FAAH2: variants seen among roughly 807,000 people sequenced by gnomAD.
FAAH2 encodes fatty-acid amide hydrolase 2.
In FAAH2, 60 loss-of-function variants were observed where a neutral mutation model predicts 36.9. That is an observed-to-expected ratio of 1.63 (90% CI 1.32 to 2.02). The LOEUF is 2.02. Among genes scored for constraint, FAAH2 ranks in the 30% most tolerant of loss-of-function variants. FAAH2 has a pLI of 0.00. For synonymous variants in FAAH2, 214 were observed against 143.8 expected (o/e 1.49, Z -3.49); for missense variants, 689 against 397.5 (o/e 1.73, Z -6.23).
upstream of FAAH2, among the ~76,000 whole-genome samples, chrX:57,282,635 T>A (rs2051764827): frequency 8.9e-6 from 1 of 112,130 alleles, no homozygotes; most frequent in South Asian, 3.7e-4. Flanking sequence ...TTTTGCAGGA[T>A]CTTTATTTGT....
At chrX:57,212,248 G>T in the FAAH2 span, among the ~76,000 whole-genome samples, 1 of 111,992 alleles carries the variant, frequency 8.9e-6, no homozygotes, top group African/African-American at 3.2e-5. Flanking sequence ...AACAAAAAAA[G>T]TAGTGACTGT....
At chrX:57,479,375 T>G (rs1285673086) in intron 10 of FAAH2, among the ~76,000 whole-genome samples, 4 of 111,931 alleles carry the variant, frequency 3.6e-5, no homozygotes, top group Non-Finnish European at 7.5e-5. Context: ...CTTATCAGCT[T>G]AAGGAGATTT....
intron 8 of FAAH2, among the ~76,000 whole-genome samples, chrX:57,439,621 C>T (rs1215165113): frequency 9.0e-6 from 1 of 111,600 alleles, no homozygotes; most frequent in Non-Finnish European, 1.9e-5. Context: ...TGCCATTTGT[C>T]ATTTTTGGCT....
chrX:57,291,017 C>T (rs972072201), intron 1 of FAAH2, among the ~76,000 whole-genome samples: 1 of 111,798 alleles, frequency 8.9e-6, no homozygotes, highest in African/African-American at 3.2e-5. Context: ...TCTCTAAAAC[C>T]ATTTGGGATT....
At chrX:57,397,034 G>A (rs370979136) in intron 7 of FAAH2, among the ~76,000 whole-genome samples, 50 of 111,360 alleles carry the variant, frequency 4.5e-4, no homozygotes, top group African/African-American at 1.5e-3. Context: ...TATATATTTA[G>A]GATAGTTATA....
chrX:57,150,397 G>A, the FAAH2 span, among the ~76,000 whole-genome samples: 83 of 111,998 alleles, frequency 7.4e-4, no homozygotes, highest in African/African-American at 2.6e-3. Flanking sequence ...GGGATTCTAA[G>A]TCTCTTTGTA....
chrX:57,222,713 C>T, the FAAH2 span, among the ~76,000 whole-genome samples: 1 of 111,982 alleles, frequency 8.9e-6, no homozygotes, highest in Non-Finnish European at 1.9e-5. Flanking sequence ...AACCAGCTCC[C>T]GTCTAAACAC....
chrX:57,405,164 C>T (rs1247062121), intron 7 of FAAH2, among the ~76,000 whole-genome samples: 3 of 111,740 alleles, frequency 2.7e-5, no homozygotes, highest in African/African-American at 6.5e-5. Context: ...TCCAATATTA[C>T]TCACCACTTT....
At chrX:57,442,977 C>A (rs1290932080) in intron 8 of FAAH2, among the ~76,000 whole-genome samples, 2 of 111,947 alleles carry the variant, frequency 1.8e-5, no homozygotes, top group Admixed American at 1.9e-4. Context: ...GCCGAGAGAT[C>A]CACTGTTAGT....
chrX:57,282,197 G>C (rs746128878), upstream of FAAH2, among the ~76,000 whole-genome samples: 1 of 111,950 alleles, frequency 8.9e-6, no homozygotes, highest in South Asian at 3.7e-4. Flanking sequence ...CAGTGTATAA[G>C]CTTTCCCTTT....
intron 5 of FAAH2, among the ~76,000 whole-genome samples, chrX:57,364,606 A>G (rs2054368177): frequency 1.8e-5 from 2 of 109,138 alleles, no homozygotes; most frequent in Admixed American, 2.0e-4. Context: ...GTAACTTTAG[A>G]GTCTCTCTTG....
At chrX:57,203,482 G>C in the FAAH2 span, among the ~76,000 whole-genome samples, 1 of 112,016 alleles carries the variant, frequency 8.9e-6, no homozygotes, top group Non-Finnish European at 1.9e-5. Flanking sequence ...TTTATGGCCA[G>C]TTTTGAGGCC....
the FAAH2 span, among the ~76,000 whole-genome samples, chrX:57,280,794 A>G: frequency 8.9e-6 from 1 of 112,539 alleles, no homozygotes; most frequent in African/African-American, 3.2e-5. Context: ...ATAATAACCA[A>G]AAGATGTAAA....
At chrX:57,301,385 T>C (rs1233688792) in intron 2 of FAAH2, among the ~76,000 whole-genome samples, 3 of 99,407 alleles carry the variant, frequency 3.0e-5, no homozygotes, top group Non-Finnish European at 5.9e-5. Flanking sequence ...CACCACATGT[T>C]CTCACTCATA....
chrX:57,200,560 GT>G, the FAAH2 span, among the ~76,000 whole-genome samples: 1 of 110,395 alleles, frequency 9.1e-6, no homozygotes, highest in Non-Finnish European at 1.9e-5. Context: ...TTGTATATTA[GT>G]AGAGACAGGA....
chrX:57,334,393 AT>A (rs2053490870), intron 4 of FAAH2, among the ~76,000 whole-genome samples: 1 of 110,845 alleles, frequency 9.0e-6, no homozygotes, highest in Admixed American at 9.7e-5. Context: ...AGAAATAAAG[AT>A]GCTCTGAGAC....
At chrX:57,470,802 T>C (rs956874112) in intron 10 of FAAH2, among the ~76,000 whole-genome samples, 3 of 111,012 alleles carry the variant, frequency 2.7e-5, no homozygotes, top group African/African-American at 9.8e-5. Context: ...CAAAAAAGAA[T>C]TTTAGACCAA....
chrX:57,474,758 G>T (rs188617815), intron 10 of FAAH2, among the ~76,000 whole-genome samples: 31 of 111,861 alleles, frequency 2.8e-4, no homozygotes, highest in African/African-American at 9.4e-4. Context: ...GGTATTTCTG[G>T]TTCTAGATCA....
At chrX:57,319,276 C>G (rs5914080) in intron 3 of FAAH2, among the ~76,000 whole-genome samples, 40,265 of 110,485 alleles carry the variant, frequency 0.36, 6,289 homozygotes, top group Middle Eastern at 0.61. Context: ...AAAACCCCAT[C>G]GTCTCAGCCC....
Sources: allele counts gnomAD v4.1 joint callset (sites outside exome capture counted in the v4.1 genomes callset), GRCh38; gene constraint gnomAD v4.1.1; transcripts MANE v1.5; gene names NCBI Gene and HGNC (gene_info 2026-07-23, HGNC 2026-07-21).